The following SEMA6D variants were observed in gnomAD, a reference collection of about 807,000 sequenced individuals.
SEMA6D encodes the protein semaphorin 6D, also known as semaphorin-6D.
A neutral mutation model predicts 106.6 loss-of-function variants in SEMA6D; 35 were observed. The ratio of observed to expected loss-of-function variants is 0.33; its 90% CI spans 0.25 to 0.44. The LOEUF (loss-of-function observed/expected upper bound fraction) is 0.44, where lower values mean the gene tolerates loss of function less well. Ranked by LOEUF, SEMA6D falls within the 20% of genes least tolerant of loss-of-function variation. The pLI is 1.00. For synonymous variants in SEMA6D, 499 were observed against 487.7 expected (o/e 1.02, Z -0.31); for missense variants, 1,185 against 1,345.9 (o/e 0.88, Z 1.87).
upstream of SEMA6D, among the ~76,000 whole-genome samples, chr15:47,713,173 G>A (rs1327954775): frequency 1.3e-5 from 2 of 152,110 alleles, no homozygotes; most frequent in African/African-American, 4.8e-5. Flanking sequence ...ATAAGTAACT[G>A]ATTTATTAGT....
At chr15:47,753,700 A>G (rs899183572) in intron 1 of SEMA6D, among the ~76,000 whole-genome samples, 1 of 152,188 alleles carries the variant, frequency 6.6e-6, no homozygotes, top group Non-Finnish European at 1.5e-5. Context: ...TCGTAAAGCT[A>G]GAGGAAATGA....
At chr15:47,458,994 A>G (rs775426992) in intron 2 of SEMA6D, among the ~76,000 whole-genome samples, 1 of 152,058 alleles carries the variant, frequency 6.6e-6, no homozygotes, top group Non-Finnish European at 1.5e-5. Context: ...TCTACCCTTG[A>G]GCGTGAATGG....
intron 2 of SEMA6D, among the ~76,000 whole-genome samples, chr15:47,458,470 G>A (rs775774294): frequency 1.3e-5 from 2 of 151,820 alleles, no homozygotes; most frequent in Admixed American, 1.3e-4. Context: ...CATAAAAGAA[G>A]TCTTATTAAT....
chr15:47,375,115 C>T (rs1193516259), intron 1 of SEMA6D, among the ~76,000 whole-genome samples: 3 of 152,180 alleles, frequency 2.0e-5, no homozygotes, highest in African/African-American at 7.2e-5. Flanking sequence ...AGCTGACTAG[C>T]CGTGCTAGGG....
chr15:47,571,026 G>A (rs547566475), intron 3 of SEMA6D, among the ~76,000 whole-genome samples: 6 of 152,260 alleles, frequency 3.9e-5, no homozygotes, highest in East Asian at 1.9e-4. Context: ...ATTTCAGACC[G>A]TGTAATACAA....
chr15:47,446,710 G>A (rs780199848), intron 2 of SEMA6D, among the ~76,000 whole-genome samples: 7 of 151,980 alleles, frequency 4.6e-5, no homozygotes, highest in South Asian at 2.1e-4. Flanking sequence ...GCATCCTTCC[G>A]AAAGGGAAAG....
intron 3 of SEMA6D, among the ~76,000 whole-genome samples, chr15:47,504,760 C>T (rs922493262): frequency 2.0e-5 from 3 of 152,122 alleles, no homozygotes; most frequent in African/African-American, 7.2e-5. Flanking sequence ...AGTGTGTCTT[C>T]TCAGACAGGC....
chr15:47,541,083 G>T (rs1055495753), intron 3 of SEMA6D, among the ~76,000 whole-genome samples: 2 of 152,128 alleles, frequency 1.3e-5, no homozygotes, highest in African/African-American at 2.4e-5. Flanking sequence ...ATACAGAGAG[G>T]CTGTGTTTGA....
intron 1 of SEMA6D, among the ~76,000 whole-genome samples, chr15:47,282,669 G>T (rs1223720081): frequency 6.6e-6 from 1 of 152,070 alleles, no homozygotes; most frequent in Non-Finnish European, 1.5e-5. Context: ...CAAGGAAATT[G>T]TACAGAACAG....
intron 4 of SEMA6D, among the ~76,000 whole-genome samples, chr15:47,621,440 G>A (rs1259794355): frequency 2.0e-5 from 3 of 151,992 alleles, no homozygotes; most frequent in Non-Finnish European, 4.4e-5. Context: ...AATCAACAGT[G>A]ATGACTCACT....
At chr15:47,318,454 TC>T (rs1206734732) in intron 1 of SEMA6D, among the ~76,000 whole-genome samples, 1 of 136,642 alleles carries the variant, frequency 7.3e-6, no homozygotes, top group Non-Finnish European at 1.6e-5. Flanking sequence ...AGTGTGATGT[TC>T]CCCTTCGTGT....
At chr15:47,692,206 A>T (rs1323538296) in intron 4 of SEMA6D, among the ~76,000 whole-genome samples, 1 of 152,118 alleles carries the variant, frequency 6.6e-6, no homozygotes, top group Non-Finnish European at 1.5e-5. Flanking sequence ...TGACATCTAG[A>T]CTTCTGCCCA....
chr15:47,317,011 G>C (rs2036710467), intron 1 of SEMA6D, among the ~76,000 whole-genome samples: 1 of 152,070 alleles, frequency 6.6e-6, no homozygotes. Context: ...TTAAACACTT[G>C]GTAGAATTCA....
intron 1 of SEMA6D, among the ~76,000 whole-genome samples, chr15:47,746,980 G>GTATATATATATATATATA (rs752559574): frequency 7.7e-5 from 9 of 116,742 alleles, no homozygotes; most frequent in East Asian, 5.0e-4. Context: ...CTGTGTGTGT[G>GTATATATATATATATATA]TGTGTATATA....
At chr15:47,303,162 A>T (rs1320288503) in intron 1 of SEMA6D, among the ~76,000 whole-genome samples, 1 of 152,240 alleles carries the variant, frequency 6.6e-6, no homozygotes, top group Non-Finnish European at 1.5e-5. Context: ...AGATGTCTAA[A>T]GATACGTAGA....
At chr15:47,218,106 A>G (rs2030837937) in intron 1 of SEMA6D, among the ~76,000 whole-genome samples, 1 of 152,236 alleles carries the variant, frequency 6.6e-6, no homozygotes, top group African/African-American at 2.4e-5. Flanking sequence ...TTAACCTTTT[A>G]GAGCTTCTAG....
Position 47,771,527 on chromosome 15 carries a change from G to C in SEMA6D, c.2964G>C (p.Leu988Phe). The C allele has an allele frequency of 6.2e-7, 1 of 1,614,070 alleles. No homozygotes were observed. The change falls in exon 19 of 19, where the codon TTG becomes TTC. Residue 988 changes from leucine to phenylalanine, a missense_variant. By Grantham distance (22) the Leu-to-Phe change is conservative (BLOSUM62 0). This residue lies in a region of SEMA6D where 750 missense variants were observed against 783.5 expected (regional missense o/e 0.96). Coordinates refer to ENST00000536845, the MANE Select transcript of SEMA6D (RefSeq NM_001358351.3). Reference sequence around the variant, plus strand: ...ACTTAAACTCACCAAATGGTGTTTTGTTATCCAGACAGCCTAGTATGAACC... The same window carrying C: ...ACTTAAACTCACCAAATGGTGTTTTCTTATCCAGACAGCCTAGTATGAACC... ...PKNLNSPNGVLLSRQPSMNRG... is the reference protein window; with the variant it reads ...PKNLNSPNGVFLSRQPSMNRG...
intron 1 of SEMA6D, among the ~76,000 whole-genome samples, chr15:47,378,744 T>C (rs931246306): frequency 2.6e-5 from 4 of 152,230 alleles, no homozygotes; most frequent in Non-Finnish European, 5.9e-5. Flanking sequence ...TGAAATGGGA[T>C]TACTTGAAAT....
chr15:47,311,025 G>C (rs1415547187), intron 1 of SEMA6D, among the ~76,000 whole-genome samples: 1 of 152,136 alleles, frequency 6.6e-6, no homozygotes, highest in African/African-American at 2.4e-5. Flanking sequence ...AACTAAGCCT[G>C]ATATTACTTC....
Sources: allele counts gnomAD v4.1 joint callset (sites outside exome capture counted in the v4.1 genomes callset), GRCh38; gene constraint gnomAD v4.1.1; regional missense constraint gnomAD v4.1.1; transcripts MANE v1.5; gene names NCBI Gene and HGNC (gene_info 2026-07-23, HGNC 2026-07-21).